LRRC53: variants seen among roughly 807,000 people sequenced by gnomAD.
LRRC53 encodes leucine rich repeat containing 53, also known as leucine-rich repeat-containing protein 53.
Under a neutral mutation model 13.6 loss-of-function variants are expected in LRRC53, and 25 were observed. The observed-to-expected ratio is 1.83, with a 90% CI of 1.34 to 2.56. The LOEUF is 2.56. LRRC53 is among the 30% of genes most tolerant of loss of function. The pLI is 0.00. For synonymous variants in LRRC53, 204 were observed against 109.8 expected, an observed-to-expected ratio of 1.86 and a Z score of -5.37; for missense variants, 527 against 275.8, an observed-to-expected ratio of 1.91 and a Z score of -6.45.
At chr1:74,508,636 G>T (rs917988663) in intron 1 of LRRC53, among the ~76,000 whole-genome samples, 1 of 152,186 alleles carries the variant, frequency 6.6e-6, no homozygotes, top group African/African-American at 2.4e-5. Flanking sequence ...TAGCATGGGA[G>T]ACTGCACACA....
chr1:74,483,276 A>G lies in LRRC53; in HGVS notation c.74T>C (p.Leu25Pro), dbSNP rs775034724. The part of the protein sequence containing the change: ...CTKDVTLCHQ[L>P]TYIVAAPMTT... ...AGTTTTATTACCTACTATATAGGTT[A>G]GCTGGTGACAGAGGGTTACATCTTT... Residue 25 changes from leucine to proline, a missense_variant, in exon 2 of 5, where the codon CTA becomes CCA. Transcript: ENST00000294635. 4.2e-6 allele frequency: 3 copies of G among 717,468 alleles called. No individual in the cohort carries two copies. Among genetic ancestry groups the G allele is most frequent in the African/African-American group, 1.7e-5 (1 of 57,384 alleles). The allele number at this position is 717,468 out of a possible 1,614,324, so 44.4% of individuals were successfully genotyped here. A position where few individuals can be genotyped will look rare whatever the true frequency, so the allele number is the denominator to read the frequency against.
rs144258020 is a variant in LRRC53, at chr1:74,475,689, A to G, written c.1026T>C (p.Ala342=). 2,008 of 713,948 alleles carry G rather than the reference A, an allele frequency of 2.8e-3. 7 individuals carry two copies. The highest frequency in any genetic ancestry group is 4.3e-3 in the Non-Finnish European group (1,649 of 383,370). 44.2% of individuals were successfully genotyped at this position (713,948 alleles called of 1,614,324 possible). A position where few individuals can be genotyped will look rare whatever the true frequency, so the allele number is the denominator to read the frequency against. The stretch of plus-strand genomic sequence containing the variant: ...TAGTGTGGTAATTTCTTGCCTCATG[A>G]GCACACAGGGGTTCATCGAAGGTTC... ...CCRTFDEPLC[A]HEARNYHTKG... is the part of the protein sequence containing the mutation. The change falls in exon 4 of 5, where the codon GCT becomes GCC. Residue 342 remains alanine (A), a synonymous_variant. Transcript: ENST00000294635.
the LRRC53 span, among the ~76,000 whole-genome samples, chr1:74,520,731 T>C: frequency 1.3e-5 from 2 of 152,028 alleles, no homozygotes; most frequent in Admixed American, 6.6e-5. Flanking sequence ...TACTATGTGG[T>C]ATTTGGGACT....
At chr1:74,495,988 GAGTTTAAC>G (rs1438782402) in intron 1 of LRRC53, among the ~76,000 whole-genome samples, 2 of 152,186 alleles carry the variant, frequency 1.3e-5, no homozygotes, top group African/African-American at 4.8e-5. Context: ...GGAGGGCCAT[GAGTTTAAC>G]AGCTTGTGAG....
chr1:74,489,320 T>C, intron 1 of LRRC53: 1 of 1,502,544 alleles, frequency 6.7e-7, no homozygotes, highest in Non-Finnish European at 9.1e-7. Context: ...GGAATGTAGA[T>C]GAGCTGGTGC....
chr1:74,525,586 C>T, the LRRC53 span, among the ~76,000 whole-genome samples: 1 of 152,156 alleles, frequency 6.6e-6, no homozygotes, highest in African/African-American at 2.4e-5. Flanking sequence ...AACTCTGTGC[C>T]CAAATGCCAA....
chr1:74,484,016 TC>T (rs1358209546), intron 1 of LRRC53, among the ~76,000 whole-genome samples: 5 of 152,178 alleles, frequency 3.3e-5, no homozygotes, highest in Non-Finnish European at 7.3e-5. Flanking sequence ...TTTTGCTTTT[TC>T]ATGTGTAAAA....
the LRRC53 span, among the ~76,000 whole-genome samples, chr1:74,530,241 C>CA: frequency 3.3e-5 from 5 of 152,116 alleles, no homozygotes; most frequent in African/African-American, 1.2e-4. Context: ...GATAAAAAGC[C>CA]ATGGAAAAAG....
At chr1:74,513,777 A>G (rs1285364110), upstream of LRRC53, among the ~76,000 whole-genome samples, 1 of 152,200 alleles carries the variant, frequency 6.6e-6, no homozygotes, top group African/African-American at 2.4e-5. Flanking sequence ...TTTACAGTTT[A>G]GTGAATTTCA....
upstream of LRRC53, among the ~76,000 whole-genome samples, chr1:74,513,275 G>A (rs543668958): frequency 6.6e-6 from 1 of 152,172 alleles, no homozygotes; most frequent in East Asian, 1.9e-4. Context: ...ACCGGGATGT[G>A]GAAATTTACT....
At chr1:74,474,897 A>T (rs1668113897) in intron 4 of LRRC53, among the ~76,000 whole-genome samples, 1 of 152,080 alleles carries the variant, frequency 6.6e-6, no homozygotes, top group Admixed American at 6.6e-5. Context: ...TGCTCTGGGA[A>T]GGTTGCTTAC....
chr1:74,508,968 C>T (rs1670046797), intron 1 of LRRC53, among the ~76,000 whole-genome samples: 1 of 152,152 alleles, frequency 6.6e-6, no homozygotes, highest in Non-Finnish European at 1.5e-5. Context: ...TTGTTTTAAA[C>T]TAAAGATAAA....
intron 1 of LRRC53, among the ~76,000 whole-genome samples, chr1:74,492,618 A>T (rs1160573645): frequency 6.6e-6 from 1 of 152,192 alleles, no homozygotes; most frequent in East Asian, 1.9e-4. Context: ...TGAGCAACAG[A>T]AGTTCAGCGT....
At chr1:74,505,422 G>A (rs527310723) in intron 1 of LRRC53, among the ~76,000 whole-genome samples, 1 of 152,310 alleles carries the variant, frequency 6.6e-6, no homozygotes, top group Non-Finnish European at 1.5e-5. Flanking sequence ...TATGTTCGCA[G>A]CAATAAGAAG....
chr1:74,518,873 C>CTTTTTTTTTTTTTTTTTTTATTTTTTTTT, the LRRC53 span, among the ~76,000 whole-genome samples: 1 of 100,358 alleles, frequency 1.0e-5, no homozygotes, highest in Non-Finnish European at 1.8e-5. Flanking sequence ...TTTTTTTTCC[C>CTTTTTTTTTTTTTTTTTTTATTTTTTTTT]CTTTTTTTTT....
At position 74,512,536 on chromosome 1, in the gene LRRC53, C is replaced by G. The variant is rs1424127510; in HGVS notation, c.-37G>C. The G allele has an allele frequency of 6.6e-6, 1 of 152,188 alleles. No homozygotes were observed. The highest frequency in any genetic ancestry group is 2.4e-5 in the African/African-American group (1 of 41,450). The allele number at this position is 152,188 out of a possible 1,614,324, so 9.4% of individuals were successfully genotyped here. A position where few individuals can be genotyped will look rare whatever the true frequency, so the allele number is the denominator to read the frequency against. ...AAGAAATTAACTTACCCAAAGGTCT[C>G]ACAGCTTGTAGTTTGTGAATCTCTA... On this transcript the variant is annotated 5_prime_UTR_variant, in exon 1 of 5. Coordinates refer to ENST00000294635, the MANE Select transcript of LRRC53 (RefSeq NM_001382280.1).
At chr1:74,502,289 G>A (rs1669673042) in intron 1 of LRRC53, among the ~76,000 whole-genome samples, 2 of 152,248 alleles carry the variant, frequency 1.3e-5, no homozygotes, top group East Asian at 1.9e-4. Flanking sequence ...CCGGTACATG[G>A]TAGGTGCCAA....
intron 1 of LRRC53, among the ~76,000 whole-genome samples, chr1:74,490,243 C>T (rs1358026579): frequency 6.6e-6 from 1 of 152,114 alleles, no homozygotes; most frequent in Non-Finnish European, 1.5e-5. Flanking sequence ...TTCTCTTATT[C>T]AGTACTGGGA....
In LRRC53 at chr1:74,471,877, A is replaced by G; in HGVS notation, c.1745T>C (p.Phe582Ser). ...LICKYVPCEQFEDYMKEKKPN... is the reference protein window; with the variant it reads ...LICKYVPCEQSEDYMKEKKPN... Reference sequence around the variant, plus strand: ...CTTCTTTTCTTTCATGTAATCTTCAAATTGCTCACAGGGCACATATTTACA... The same window carrying G: ...CTTCTTTTCTTTCATGTAATCTTCAGATTGCTCACAGGGCACATATTTACA... The change falls in exon 5 of 5, where the codon TTT becomes TCT. Residue 582 changes from phenylalanine (F) to serine (S), a missense_variant. Coordinates refer to ENST00000294635, the MANE Select transcript of LRRC53 (RefSeq NM_001382280.1). 2.2e-6 allele frequency: 1 copy of G among 455,152 alleles called. No homozygotes were observed. The highest frequency in any genetic ancestry group is 5.4e-5 in the South Asian group (1 of 18,566). 28.2% of individuals were successfully genotyped at this position (455,152 alleles called of 1,614,324 possible).
Sources: gnomAD v4.1 joint callset for allele counts (sites outside exome capture counted in the v4.1 genomes callset) on GRCh38, gnomAD v4.1.1 for gene constraint, MANE v1.5 for transcripts, NCBI Gene and HGNC (gene_info 2026-07-23, HGNC 2026-07-21) for gene names.